Variants in LRP1B observed in about 807,000 individuals in gnomAD.
LRP1B encodes LDL receptor related protein 1B.
LRP1B carries 217 observed loss-of-function variants against 556.6 expected under a neutral mutation model. The ratio of observed to expected loss-of-function variants is 0.39; its 90% confidence interval spans 0.35 to 0.44. The LOEUF (loss-of-function observed/expected upper bound fraction) is 0.44. Among genes scored for constraint, LRP1B ranks in the 20% least tolerant of loss-of-function variants. The pLI, the probability that LRP1B is intolerant of heterozygous loss-of-function variation, is 1.00. For synonymous variants in LRP1B, 2,047 were observed against 1,865.8 expected, an observed-to-expected ratio of 1.10 and a Z score of -2.50; for missense variants, 5,053 against 5,620.8, an observed-to-expected ratio of 0.90 and a Z score of 3.23.
intron 3 of LRP1B, among the ~76,000 whole-genome samples, chr2:141,266,836 A>T (rs1438814408): frequency 6.6e-6 from 1 of 152,242 alleles, no homozygotes; most frequent in African/African-American, 2.4e-5. Flanking sequence ...ATTATAAATA[A>T]AATGACTGGT....
intron 86 of LRP1B, among the ~76,000 whole-genome samples, chr2:140,248,583 T>C (rs1490216081): frequency 1.3e-5 from 2 of 151,602 alleles, no homozygotes; most frequent in Non-Finnish European, 3.0e-5. Context: ...TCTACGACTC[T>C]TGTCTGTATT....
chr2:140,324,153 C>A (rs1183429610), intron 80 of LRP1B, 87 bp from the exon 81 acceptor site: 16 of 724,370 alleles, frequency 2.2e-5, no homozygotes, highest in Non-Finnish European at 2.7e-5. Context: ...ATATTGAAAA[C>A]CTTATTACTG....
intron 2 of LRP1B, among the ~76,000 whole-genome samples, chr2:141,618,807 G>A (rs1223064475): frequency 6.6e-6 from 1 of 152,196 alleles, no homozygotes; most frequent in African/African-American, 2.4e-5. Flanking sequence ...TGCACCTCAT[G>A]TGATAGGATT....
chr2:140,719,430 C>A (rs947042151), intron 35 of LRP1B, among the ~76,000 whole-genome samples: 9 of 151,894 alleles, frequency 5.9e-5, no homozygotes, highest in African/African-American at 2.2e-4. Flanking sequence ...AAAAGGTACC[C>A]CTTCATTTCA....
Position 140,565,187 on chromosome 2 carries a change from T to G in LRP1B, c.7195-23216A>C, listed in dbSNP as rs138153976. On this transcript the variant is annotated intron_variant, in intron 43 of 90. Coordinates refer to ENST00000389484, the MANE Select transcript of LRP1B (RefSeq NM_018557.3). ...AATATATAATATATATTTTATTTTA[T>G]GACATATATATCTGTATATATACAC... 3.8e-3 allele frequency among the ~76,000 whole-genome samples: 577 copies of G among 151,004 alleles called. 7 individuals carry two copies. Among genetic ancestry groups the G allele is most frequent in the African/African-American group, 0.014 (561 of 41,350 alleles).
At chr2:141,806,018 G>A (rs979723026) in intron 2 of LRP1B, among the ~76,000 whole-genome samples, 2 of 152,054 alleles carry the variant, frequency 1.3e-5, no homozygotes, top group African/African-American at 4.8e-5. Flanking sequence ...TAGGGAAGAA[G>A]TTTGAATAGC....
At chr2:140,428,446 G>A (rs1463272029) in intron 66 of LRP1B, among the ~76,000 whole-genome samples, 1 of 152,184 alleles carries the variant, frequency 6.6e-6, no homozygotes, top group Non-Finnish European at 1.5e-5. Context: ...CCAGGCCAAG[G>A]AATGCCCACA....
intron 6 of LRP1B, among the ~76,000 whole-genome samples, chr2:141,193,048 A>G (rs148255730): frequency 6.6e-6 from 1 of 152,058 alleles, no homozygotes; most frequent in Non-Finnish European, 1.5e-5. Context: ...GAATTGGTGA[A>G]CATAGAACTG....
chr2:141,328,489 T>C (rs1451057260), intron 3 of LRP1B, among the ~76,000 whole-genome samples: 1 of 152,122 alleles, frequency 6.6e-6, no homozygotes, highest in East Asian at 1.9e-4. Context: ...TGTAAATTAG[T>C]GGTTTTAGGT....
intron 2 of LRP1B, among the ~76,000 whole-genome samples, chr2:141,502,990 G>C (rs1257670804): frequency 6.6e-6 from 1 of 150,634 alleles, no homozygotes; most frequent in African/African-American, 2.4e-5. Context: ...AGGCTATTTT[G>C]CACATTAAAG....
In LRP1B at chr2:141,240,595, G is replaced by A. The variant is rs192409589; in HGVS notation, c.592+6631C>T. Among the ~76,000 whole-genome samples the A allele has an allele frequency of 4.8e-3, 734 of 151,816 alleles. 5 individuals carry two copies. The highest frequency in any genetic ancestry group is 0.017 in the African/African-American group (704 of 41,302). ...TATCCAATTTTAAGATAGAAAAAGAGTTAATTGTAGAGGGTGATATAATTT... is the reference window on the plus strand; with the variant it reads ...TATCCAATTTTAAGATAGAAAAAGAATTAATTGTAGAGGGTGATATAATTT... On this transcript the variant is annotated intron_variant, in intron 5 of 90. Transcript: ENST00000389484.
chr2:141,191,453 T>C lies in LRP1B; in HGVS notation c.851-2870A>G, dbSNP rs547029857. ...TGTTCTCTTAATAGTAAGACTAACA[T>C]AGACATATGTGTCAGCATTACCATT... On this transcript the variant is annotated intron_variant, in intron 6 of 90. Transcript: ENST00000389484. 3.9e-5 allele frequency among the ~76,000 whole-genome samples: 6 copies of C among 152,054 alleles called. No homozygotes were observed. The South Asian group carries it at 6.2e-4, about 16-fold the overall frequency.
Position 140,950,581 on chromosome 2 carries a change from C to T in LRP1B, c.2969-179G>A, listed in dbSNP as rs895580637. On this transcript the variant is annotated intron_variant, in intron 19 of 90. Transcript: ENST00000389484. Reference sequence around the variant, plus strand: ...TCACTGCAACTTTCACCTCCTGGGGCTCAAATGATACTCCCACTCCAGCCT... The same window carrying T: ...TCACTGCAACTTTCACCTCCTGGGGTTCAAATGATACTCCCACTCCAGCCT... 2.0e-5 allele frequency among the ~76,000 whole-genome samples: 3 copies of T among 152,050 alleles called. No individual in the cohort carries two copies. In the South Asian group the frequency reaches 6.2e-4, roughly 32 times the overall value.
intron 1 of LRP1B, among the ~76,000 whole-genome samples, chr2:142,035,046 G>C (rs59207401): frequency 0.018 from 2,748 of 151,718 alleles, 83 homozygotes; most frequent in African/African-American, 0.062. Context: ...AGGGTATACT[G>C]TACTATTCCT....
At chr2:141,252,790 A>C (rs2105336844) in intron 4 of LRP1B, among the ~76,000 whole-genome samples, 1 of 152,252 alleles carries the variant, frequency 6.6e-6, no homozygotes, top group East Asian at 1.9e-4. Context: ...TCTCCTTTAA[A>C]GACAGAGGGC....
At chr2:141,470,364 G>A (rs1220574291) in intron 3 of LRP1B, among the ~76,000 whole-genome samples, 1 of 152,148 alleles carries the variant, frequency 6.6e-6, no homozygotes, top group African/African-American at 2.4e-5. Flanking sequence ...CTTCAAGCTA[G>A]TTACATAGTT....
At chr2:140,907,744 C>G in intron 22 of LRP1B, 133 bp downstream of exon 22, 1 of 794,518 alleles carries the variant, frequency 1.3e-6, no homozygotes, top group South Asian at 1.6e-5. Flanking sequence ...GAAATGTAGA[C>G]AAGGTTCAAT....
intron 80 of LRP1B, among the ~76,000 whole-genome samples, chr2:140,324,522 A>C (rs978426279): frequency 6.6e-6 from 1 of 152,102 alleles, no homozygotes; most frequent in African/African-American, 2.4e-5. Flanking sequence ...TTAATGAGTA[A>C]ATCCAAAAAT....
intron 41 of LRP1B, among the ~76,000 whole-genome samples, chr2:140,668,141 T>A (rs113394077): frequency 0.027 from 4,114 of 151,694 alleles, 194 homozygotes; most frequent in African/African-American, 0.093. Context: ...TGAAACCCCG[T>A]CTCTACTAAA....
Sources: gnomAD v4.1 joint callset for allele counts (sites outside exome capture counted in the v4.1 genomes callset) on GRCh38, gnomAD v4.1.1 for gene constraint, MANE v1.5 for transcripts, NCBI Gene and HGNC (gene_info 2026-07-23, HGNC 2026-07-21) for gene names.